Variants in ALG12 observed in about 807,000 individuals in gnomAD.
The protein encoded by ALG12 is dol-P-Man:Man(7)GlcNAc(2)-PP-Dol alpha-1,6-mannosyltransferase.
In ALG12, 36 loss-of-function variants were observed where a neutral mutation model predicts 46.0. That is an observed-to-expected ratio of 0.78 (90% CI 0.60 to 1.03). The LOEUF (loss-of-function observed/expected upper bound fraction) is 1.03. ALG12 is among the 50% of genes least tolerant of loss of function. The pLI, the probability that ALG12 is intolerant of heterozygous loss-of-function variation, is 0.00. For missense variants in ALG12, 599 were observed against 633.5 expected, an observed-to-expected ratio of 0.95 and a Z score of 0.58; for synonymous variants, 326 against 291.6, an observed-to-expected ratio of 1.12 and a Z score of -1.20.
intron 1 of ALG12, among the ~76,000 whole-genome samples, chr22:49,917,718 T>TTTTTTTTTTA (rs2060621416): frequency 6.6e-6 from 1 of 151,698 alleles, no homozygotes; most frequent in African/African-American, 2.4e-5. Flanking sequence ...TTTTTTTTTT[T>TTTTTTTTTTA]AAATGTGCAG....
At chr22:49,917,390 G>A (rs1207228072) in intron 1 of ALG12, among the ~76,000 whole-genome samples, 1 of 152,236 alleles carries the variant, frequency 6.6e-6, no homozygotes, top group Admixed American at 6.5e-5. Context: ...ATCAAATCAG[G>A]CTAAGCATGG....
At position 49,913,474 on chromosome 22, in the gene ALG12, A is replaced by AGGAACGTC. The variant is rs1295414875; in HGVS notation, c.198_205dup (p.Leu69ArgfsTer8). 6.2e-7 allele frequency: 1 copy of AGGAACGTC among 1,613,888 alleles called. No individual in the cohort carries two copies. The highest frequency in any genetic ancestry group is 8.5e-7 in the Non-Finnish European group (1 of 1,180,052). ...GAACACTGCGATCACCACTGGCCCG[A>AGGAACGTC]GGAACGTCCTGGGGACGACTCCGGG... On this transcript the variant is annotated frameshift_variant, in exon 3 of 10. Transcript: ENST00000330817. LOFTEE classifies it high-confidence loss of function.
At chr22:49,881,677 T>C in the ALG12 span, among the ~76,000 whole-genome samples, 138,820 of 152,224 alleles carry the variant, frequency 0.91, 63,423 homozygotes, top group African/African-American at 0.97. Context: ...TCACCATACT[T>C]GGCATTTTTT....
At chr22:49,894,388 C>G in the ALG12 span, among the ~76,000 whole-genome samples, 6 of 152,182 alleles carry the variant, frequency 3.9e-5, no homozygotes, top group Non-Finnish European at 1.5e-5. Flanking sequence ...AATGCAAACT[C>G]CAATTAAGTG....
chr22:49,909,167 TCCACTGCCC>T, intron 6 of ALG12, 68 bp downstream of exon 6: 1 of 1,432,828 alleles, frequency 7.0e-7, no homozygotes, highest in Non-Finnish European at 9.8e-7. Context: ...AGCAGCTGCT[TCCACTGCCC>T]ATGGAGGCCC....
At chr22:49,891,405 G>T in the ALG12 span, among the ~76,000 whole-genome samples, 1 of 152,156 alleles carries the variant, frequency 6.6e-6, no homozygotes, top group East Asian at 1.9e-4. Context: ...CTTGGCTATT[G>T]TTCTGTTAAT....
the ALG12 span, chr22:49,886,074 C>T: frequency 1.5e-6 from 1 of 680,948 alleles, no homozygotes; most frequent in Non-Finnish European, 2.7e-6. This position sits in a 1 kb window ranked among gnomAD's most constrained non-coding sequence, Gnocchi z 7.7. Flanking sequence ...TTCAGGTGGG[C>T]ATCACCGTCA....
At chr22:49,884,154 A>C in the ALG12 span, 1 of 1,613,574 alleles carries the variant, frequency 6.2e-7, no homozygotes, top group Non-Finnish European at 8.5e-7. Context: ...TGAGGCGCGC[A>C]CACCCGACCG....
chr22:49,898,313 C>A (rs543175230), downstream of ALG12, among the ~76,000 whole-genome samples: 14 of 152,186 alleles, frequency 9.2e-5, no homozygotes, highest in African/African-American at 3.1e-4. Flanking sequence ...TGACCCAGTT[C>A]TTTATCAGAT....
At chr22:49,881,235 G>C in the ALG12 span, among the ~76,000 whole-genome samples, 2 of 152,234 alleles carry the variant, frequency 1.3e-5, no homozygotes, top group Non-Finnish European at 2.9e-5. Flanking sequence ...TGTAATCCCA[G>C]CTACTTGGGA....
At chr22:49,883,888 T>TCTGCAGAGAGTGAGGATGACTATGGCGCG in the ALG12 span, 1 of 1,607,380 alleles carries the variant, frequency 6.2e-7, no homozygotes. Flanking sequence ...GAAGTACTTG[T>TCTGCAGAGAGTGAGGATGACTATGGCGCG]CTGCAGAGAG....
At chr22:49,867,036 T>C in the ALG12 span, among the ~76,000 whole-genome samples, 1 of 152,218 alleles carries the variant, frequency 6.6e-6, no homozygotes, top group African/African-American at 2.4e-5. Context: ...AACACAGGTA[T>C]GTAGAGCTTT....
In ALG12 at chr22:49,905,730, T is replaced by G. The variant is rs966153009; in HGVS notation, c.993-1224A>C. On this transcript the variant is annotated intron_variant, in intron 7 of 9. Transcript: ENST00000330817. The surrounding 1 kb of genome is among the most constrained non-coding windows in gnomAD (Gnocchi z 4.9). ...TGCGGAACCGCGAGCCAATGAAGCC[T>G]CCTCTTTATAAATTATCCAGTCTCA... Among the ~76,000 whole-genome samples, 31 of 152,318 alleles carry G rather than the reference T, an allele frequency of 2.0e-4. No homozygotes were observed. Among genetic ancestry groups the G allele is most frequent in the African/African-American group, 7.2e-4 (30 of 41,574 alleles).
Position 49,913,690 on chromosome 22 carries a change from C to T in ALG12, c.76G>A (p.Val26Ile), listed in dbSNP as rs770305609. The change falls in exon 2 of 10, where the codon GTC becomes ATC. Residue 26 changes from valine to isoleucine, a missense_variant. Physicochemically the swap from Val to Ile is conservative, Grantham distance 29. Transcript: ENST00000330817. ...LLVAVATVHL[V>I]ICPYTKVEES... Reference sequence around the variant, plus strand: ...TCCACTTTGGTGTAGGGACAGATGACCAGGTGGACAGTGGCTACGGCCACC... The same window carrying T: ...TCCACTTTGGTGTAGGGACAGATGATCAGGTGGACAGTGGCTACGGCCACC... 1.1e-5 allele frequency: 18 copies of T among 1,613,922 alleles called. No individual in the cohort carries two copies. The highest frequency in any genetic ancestry group is 1.4e-5 in the Non-Finnish European group (17 of 1,180,016).
In ALG12 at chr22:49,913,491, G is replaced by C; in HGVS notation, c.189C>G (p.Val63=). 1 of 1,613,954 alleles carries C rather than the reference G, an allele frequency of 6.2e-7. No homozygotes were observed. Among genetic ancestry groups the C allele is most frequent in the South Asian group, 1.1e-5 (1 of 91,082 alleles). The change falls in exon 3 of 10, where the codon GTC becomes GTG. Residue 63 remains valine (V), a synonymous_variant. Transcript: ENST00000330817. ...EQYDHLEFPG[V]VPRTFLGPVV... is the part of the protein sequence containing the mutation. ...CTGGCCCGAGGAACGTCCTGGGGAC[G>C]ACTCCGGGGAACTCAAGATGGTCGT...
the ALG12 span, chr22:49,883,479 G>A: frequency 1.3e-6 from 1 of 798,842 alleles, no homozygotes; most frequent in Non-Finnish European, 1.8e-6. Context: ...GATCTATGCT[G>A]TAAGACCATG....
rs576448397 is a variant in ALG12 at position 49,906,931 on chromosome 22, G to A, written c.992+790C>T. Among the ~76,000 whole-genome samples the A allele has an allele frequency of 8.5e-5, 13 of 152,200 alleles. No homozygotes were observed. The East Asian group carries it at 1.2e-3, about 14-fold the overall frequency. On this transcript the variant is annotated intron_variant, in intron 7 of 9. Transcript: ENST00000330817. The surrounding 1 kb of genome is among the most constrained non-coding windows in gnomAD (Gnocchi z 4.4). ...AGGCTTGCAACACTGAGTGGCAGCCGCGCTCAGACCACCCCACCCTCAGCC... is the reference window on the plus strand; with the variant it reads ...AGGCTTGCAACACTGAGTGGCAGCCACGCTCAGACCACCCCACCCTCAGCC...
At chr22:49,917,558 C>T (rs11703207) in intron 1 of ALG12, among the ~76,000 whole-genome samples, 12,134 of 152,108 alleles carry the variant, frequency 0.08, 605 homozygotes, top group South Asian at 0.12. Context: ...GTAATCCCAA[C>T]TTAGGAGGCT....
chr22:49,909,489 C>T, intron 5 of ALG12, 142 bp from the exon 6 acceptor site: 1 of 857,130 alleles, frequency 1.2e-6, no homozygotes, highest in Non-Finnish European at 1.9e-6. Flanking sequence ...TTGCTGGAGC[C>T]TAGGAGTTCA....
Sources: gnomAD v4.1 joint callset for allele counts (sites outside exome capture counted in the v4.1 genomes callset) on GRCh38, gnomAD v4.1.1 for gene constraint, Gnocchi (gnomAD v3.1) non-coding constraint, MANE v1.5 for transcripts, NCBI Gene and HGNC (gene_info 2026-07-23, HGNC 2026-07-21) for gene names.